Variants in PRKG2 observed in about 807,000 individuals in gnomAD.
PRKG2 encodes cGMP-dependent protein kinase 2.
In PRKG2, 33 loss-of-function variants were observed where a neutral mutation model predicts 97.2. The ratio of observed to expected loss-of-function variants is 0.34; its 90% CI spans 0.26 to 0.45. The LOEUF is 0.45. PRKG2 is among the 20% of genes least tolerant of loss of function. The pLI is 1.00. For missense variants in PRKG2, 638 were observed against 900.0 expected (o/e 0.71, Z 3.73); for synonymous variants, 330 against 321.8 (o/e 1.03, Z -0.27).
chr4:81,183,614 C>T (rs1186429111), intron 2 of PRKG2, among the ~76,000 whole-genome samples: 1 of 151,864 alleles, frequency 6.6e-6, no homozygotes, highest in Non-Finnish European at 1.5e-5. Context: ...TTTCATACCC[C>T]CGTGGTGCCT....
At chr4:81,143,174 A>T (rs529816743) in intron 10 of PRKG2, among the ~76,000 whole-genome samples, 1 of 152,332 alleles carries the variant, frequency 6.6e-6, no homozygotes, top group Admixed American at 6.5e-5. Context: ...CAGGAAATAG[A>T]CGAATGCCAA....
intron 2 of PRKG2, among the ~76,000 whole-genome samples, chr4:81,179,293 ACT>A (rs60317259): frequency 0.24 from 36,181 of 151,760 alleles, 8,371 homozygotes; most frequent in African/African-American, 0.59. Context: ...CAATGAGAAA[ACT>A]CTAAAAAGCA....
chr4:81,110,366 A>G, intron 15 of PRKG2, 82 bp downstream of exon 15: 1 of 1,410,386 alleles, frequency 7.1e-7, no homozygotes, highest in South Asian at 1.4e-5. Flanking sequence ...TTACGCTCTT[A>G]AAGTATATAC....
At chr4:81,111,030 C>T (rs1743875182) in intron 14 of PRKG2, among the ~76,000 whole-genome samples, 1 of 151,830 alleles carries the variant, frequency 6.6e-6, no homozygotes, top group South Asian at 2.1e-4. Context: ...ATGATGGACA[C>T]CTGAGCAAGT....
chr4:81,156,323 GA>G (rs974238449), intron 6 of PRKG2, among the ~76,000 whole-genome samples: 7 of 152,108 alleles, frequency 4.6e-5, no homozygotes, highest in African/African-American at 1.7e-4. Flanking sequence ...AAGATCAAAA[GA>G]GACAAAGAAG....
chr4:81,099,373 T>C (rs13141415), intron 17 of PRKG2, among the ~76,000 whole-genome samples: 12,901 of 152,082 alleles, frequency 0.085, 610 homozygotes, highest in Middle Eastern at 0.12. Flanking sequence ...CATGATCAAG[T>C]GGGCTTCATC....
At chr4:81,096,818 T>A (rs1367088313) in intron 17 of PRKG2, among the ~76,000 whole-genome samples, 1 of 152,190 alleles carries the variant, frequency 6.6e-6, no homozygotes, top group Non-Finnish European at 1.5e-5. Flanking sequence ...TTCTAACACA[T>A]CTGCATTTAC....
At chr4:81,217,211 G>A (rs1234322913), upstream of PRKG2, among the ~76,000 whole-genome samples, 1 of 151,632 alleles carries the variant, frequency 6.6e-6, no homozygotes, top group East Asian at 1.9e-4. Flanking sequence ...GCTAATTAAT[G>A]GATTATAAAA....
chr4:81,216,749 T>C (rs1320695895), upstream of PRKG2, among the ~76,000 whole-genome samples: 1 of 151,924 alleles, frequency 6.6e-6, no homozygotes, highest in Non-Finnish European at 1.5e-5. Context: ...TGCCTGCCCA[T>C]TGTTTAGCTG....
In PRKG2 at chr4:81,126,093, C is replaced by T. The variant is rs2110011032; in HGVS notation, c.1776+9062G>A. On this transcript the variant is annotated intron_variant, in intron 14 of 18. Coordinates refer to ENST00000264399, the MANE Select transcript of PRKG2 (RefSeq NM_006259.3). ...CCTCCCTGGGTCCATGTGCTCTCAT[C>T]GTTCTACTCCCACTTAGAGGGAGAA... Among the ~76,000 whole-genome samples, 2 of 152,244 alleles carry T rather than the reference C, an allele frequency of 1.3e-5. 1 individual carries two copies. Among genetic ancestry groups the T allele is most frequent in the South Asian group, 4.1e-4 (2 of 4,822 alleles).
intron 2 of PRKG2, among the ~76,000 whole-genome samples, chr4:81,178,050 G>A (rs1751090046): frequency 7.2e-6 from 1 of 138,460 alleles, no homozygotes; most frequent in Non-Finnish European, 1.6e-5. Flanking sequence ...AGCCCTTCAG[G>A]TGTCCCATCT....
chr4:81,185,667 GAC>G (rs1250169768), intron 2 of PRKG2, among the ~76,000 whole-genome samples: 3 of 135,478 alleles, frequency 2.2e-5, no homozygotes, highest in African/African-American at 1.1e-4. Flanking sequence ...CCACTTAAAA[GAC>G]ACAGACTTGG....
chr4:81,157,789 A>T (rs980639573), intron 6 of PRKG2, among the ~76,000 whole-genome samples: 1 of 151,326 alleles, frequency 6.6e-6, no homozygotes, highest in Non-Finnish European at 1.5e-5. Flanking sequence ...ACAAATCAAT[A>T]GATGTAATCC....
At chr4:81,189,094 A>AAAAAAAAAAAAAAAAAAAATAT (rs1553930140) in intron 2 of PRKG2, among the ~76,000 whole-genome samples, 2 of 110,000 alleles carry the variant, frequency 1.8e-5, no homozygotes, top group Non-Finnish European at 3.3e-5. Flanking sequence ...AAAAAAAAAG[A>AAAAAAAAAAAAAAAAAAAATAT]AGCTAGCAAT....
At chr4:81,121,759 C>CTT (rs113404951) in intron 14 of PRKG2, among the ~76,000 whole-genome samples, 3,989 of 151,914 alleles carry the variant, frequency 0.026, 172 homozygotes, top group African/African-American at 0.091. Context: ...TGGATAGAGA[C>CTT]ATTGATTTTA....
At chr4:81,145,575 T>C (rs1221641744) in intron 9 of PRKG2, among the ~76,000 whole-genome samples, 1 of 152,150 alleles carries the variant, frequency 6.6e-6, no homozygotes, top group Non-Finnish European at 1.5e-5. Context: ...CTCTGTCTCC[T>C]GTCCATGATC....
At chr4:81,168,123 C>T (rs1225642365) in intron 5 of PRKG2, among the ~76,000 whole-genome samples, 1 of 151,966 alleles carries the variant, frequency 6.6e-6, no homozygotes, top group African/African-American at 2.4e-5. Context: ...GTAAAAGAGT[C>T]ATCAGAACTT....
intron 15 of PRKG2, 75 bp from the exon 16 acceptor site, chr4:81,106,010 T>C: frequency 6.8e-7 from 1 of 1,467,174 alleles, no homozygotes; most frequent in Non-Finnish European, 9.2e-7. Context: ...ATTTTCTTTC[T>C]TCCTTCTTTC....
At chr4:81,190,539 T>C (rs573378447) in intron 2 of PRKG2, among the ~76,000 whole-genome samples, 2 of 152,242 alleles carry the variant, frequency 1.3e-5, no homozygotes, top group African/African-American at 4.8e-5. Flanking sequence ...AAAGACTTCA[T>C]GACTAAAACA....
Sources: gnomAD v4.1 joint callset for allele counts (sites outside exome capture counted in the v4.1 genomes callset) on GRCh38, gnomAD v4.1.1 for gene constraint, MANE v1.5 for transcripts, NCBI Gene and HGNC (gene_info 2026-07-23, HGNC 2026-07-21) for gene names.